Variants in RHBDD1 observed in about 807,000 individuals in gnomAD.
RHBDD1 encodes the protein rhomboid-related protein 4.
In RHBDD1, 38 loss-of-function variants were observed where a neutral mutation model predicts 36.3. That is an observed-to-expected ratio of 1.05 (90% CI 0.81 to 1.37). The LOEUF (loss-of-function observed/expected upper bound fraction) is 1.37. Ranked by LOEUF, RHBDD1 falls within the 40% of genes most tolerant of loss-of-function variation. The pLI is 0.00. For synonymous variants in RHBDD1, 151 were observed against 136.5 expected, an observed-to-expected ratio of 1.11 and a Z score of -0.74; for missense variants, 393 against 377.6, an observed-to-expected ratio of 1.04 and a Z score of -0.34.
chr2:226,904,045 A>C (rs1947822447), intron 5 of RHBDD1, among the ~76,000 whole-genome samples: 1 of 152,060 alleles, frequency 6.6e-6, no homozygotes, highest in Non-Finnish European at 1.5e-5. Flanking sequence ...TCACCCAATA[A>C]AAGCCCCACA....
chr2:226,950,870 A>G (rs943591580), intron 8 of RHBDD1, among the ~76,000 whole-genome samples: 1 of 152,112 alleles, frequency 6.6e-6, no homozygotes, highest in Non-Finnish European at 1.5e-5. Flanking sequence ...TTTTATACTA[A>G]TGCATTATCA....
chr2:226,874,967 A>G (rs1477249397), intron 5 of RHBDD1, among the ~76,000 whole-genome samples: 2 of 152,154 alleles, frequency 1.3e-5, no homozygotes, highest in African/African-American at 2.4e-5. Context: ...CATAGTATCT[A>G]TTGTATGCTA....
In RHBDD1 at chr2:226,871,587, T is replaced by G. The variant is rs551711644; in HGVS notation, c.566+4269T>G. On this transcript the variant is annotated intron_variant, in intron 5 of 8. Transcript: ENST00000392062. ...AGACGGTCTTCCCACCTTTTTACTT[T>G]TCCATGAAGTTGACATTTTAAAGAT... Among the ~76,000 whole-genome samples the G allele has an allele frequency of 9.7e-4, 147 of 152,318 alleles. 1 individual carries two copies. Among genetic ancestry groups the G allele is most frequent in the African/African-American group, 3.4e-3 (141 of 41,574 alleles).
intron 5 of RHBDD1, among the ~76,000 whole-genome samples, chr2:226,895,368 A>C (rs1947012970): frequency 6.6e-6 from 1 of 151,996 alleles, no homozygotes; most frequent in Non-Finnish European, 1.5e-5. Flanking sequence ...GCTCCTGACC[A>C]CTTTTCTAAG....
intron 5 of RHBDD1, among the ~76,000 whole-genome samples, chr2:226,895,987 AT>A (rs1947067998): frequency 6.6e-6 from 1 of 152,168 alleles, no homozygotes; most frequent in Non-Finnish European, 1.5e-5. Context: ...ATCTATTAAT[AT>A]TTTTTATGTA....
At chr2:226,943,294 T>C (rs535740951) in intron 8 of RHBDD1, among the ~76,000 whole-genome samples, 13 of 152,330 alleles carry the variant, frequency 8.5e-5, no homozygotes, top group African/African-American at 3.1e-4. Flanking sequence ...AATATTAAAC[T>C]GATTAAAATT....
chr2:226,856,086 C>T (rs1464139880), intron 3 of RHBDD1, among the ~76,000 whole-genome samples: 1 of 152,146 alleles, frequency 6.6e-6, no homozygotes, highest in Non-Finnish European at 1.5e-5. Flanking sequence ...CCCCAGGACT[C>T]CCTGTTTACT....
chr2:226,972,929 CAA>C (rs11320469), intron 8 of RHBDD1, among the ~76,000 whole-genome samples: 128 of 126,968 alleles, frequency 1.0e-3, no homozygotes, highest in African/African-American at 1.6e-3. Flanking sequence ...AAGCCTGTAG[CAA>C]AAAAAAAAAA....
intron 8 of RHBDD1, among the ~76,000 whole-genome samples, chr2:226,940,127 A>G (rs560327314): frequency 1.6e-4 from 24 of 152,342 alleles, no homozygotes; most frequent in South Asian, 1.2e-3. Flanking sequence ...AGATGGATCA[A>G]AGACTTAAAT....
intron 8 of RHBDD1, among the ~76,000 whole-genome samples, chr2:226,983,176 A>G (rs930286471): frequency 6.6e-6 from 1 of 152,192 alleles, no homozygotes; most frequent in Non-Finnish European, 1.5e-5. Context: ...CTTGAGGTGC[A>G]TGTTAAAAAA....
intron 4 of RHBDD1, among the ~76,000 whole-genome samples, chr2:226,866,670 G>T (rs745999984): frequency 2.1e-4 from 32 of 152,192 alleles, no homozygotes; most frequent in Admixed American, 1.3e-3. Flanking sequence ...TGAAGGGGAG[G>T]AGAGAGGTAG....
the RHBDD1 span, among the ~76,000 whole-genome samples, chr2:226,816,391 A>AAAAAAG: frequency 1.3e-5 from 2 of 151,188 alleles, no homozygotes; most frequent in African/African-American, 4.9e-5. Flanking sequence ...AAAAAAAAAA[A>AAAAAAG]AAAAAGAAAA....
chr2:226,852,874 T>C (rs1942950946), intron 3 of RHBDD1, among the ~76,000 whole-genome samples: 1 of 150,012 alleles, frequency 6.7e-6, no homozygotes. Context: ...CCTAGGATTA[T>C]AGGTGTGTGC....
intron 8 of RHBDD1, chr2:226,988,290 C>G (rs1957444360): frequency 1.3e-6 from 2 of 1,534,376 alleles, no homozygotes; most frequent in African/African-American, 2.8e-5. Context: ...AGTCTCTTCC[C>G]CTGTCCTTCC....
intron 4 of RHBDD1, among the ~76,000 whole-genome samples, chr2:226,866,152 C>A (rs1301052548): frequency 2.0e-5 from 3 of 152,160 alleles, no homozygotes; most frequent in Non-Finnish European, 4.4e-5. Context: ...CTCACTGCAA[C>A]CTCCGCCTCC....
At chr2:226,867,674 T>C (rs1246012288) in intron 5 of RHBDD1, 7 of 982,342 alleles carry the variant, frequency 7.1e-6, no homozygotes, top group Non-Finnish European at 8.5e-6. Context: ...ACTATAAAGA[T>C]TAAAAAGCTA....
At chr2:226,888,609 TG>T (rs1294860470) in intron 5 of RHBDD1, among the ~76,000 whole-genome samples, 1 of 152,030 alleles carries the variant, frequency 6.6e-6, no homozygotes, top group African/African-American at 2.4e-5. Context: ...CTTTGTGTCT[TG>T]TTTTTTTTTT....
At chr2:226,864,081 G>T (rs1944102599) in intron 3 of RHBDD1, among the ~76,000 whole-genome samples, 1 of 152,152 alleles carries the variant, frequency 6.6e-6, no homozygotes, top group Non-Finnish European at 1.5e-5. Context: ...TGAAAGTAGA[G>T]TTCAGACCAC....
chr2:226,989,584 T>G (rs1957725039), intron 8 of RHBDD1, among the ~76,000 whole-genome samples: 2 of 152,220 alleles, frequency 1.3e-5, no homozygotes, highest in African/African-American at 4.8e-5. Flanking sequence ...CCCACAAATA[T>G]TCTTTGTCTC....
Sources: gnomAD v4.1 joint callset for allele counts (sites outside exome capture counted in the v4.1 genomes callset) on GRCh38, gnomAD v4.1.1 for gene constraint, MANE v1.5 for transcripts, NCBI Gene and HGNC (gene_info 2026-07-23, HGNC 2026-07-21) for gene names.